SMAD6: variants seen among roughly 807,000 people sequenced by gnomAD.
SMAD6 encodes SMAD family member 6.
Under a neutral mutation model 39.4 loss-of-function variants are expected in SMAD6, and 103 were observed. The ratio of observed to expected loss-of-function variants is 2.62; its 90% CI spans 2.23 to 3.08. SMAD6 has a LOEUF of 3.08. Among genes scored for constraint, SMAD6 ranks in the 30% most tolerant of loss-of-function variants. The pLI, the probability that SMAD6 is intolerant of heterozygous loss-of-function variation, is 0.00. For missense variants in SMAD6, 1,104 were observed against 742.9 expected (o/e 1.49, Z -5.65); for synonymous variants, 445 against 353.3 (o/e 1.26, Z -2.91).
rs1595757051 is a variant in SMAD6 at position 66,703,752 on chromosome 15, T to G, written c.494T>G (p.Leu165Arg). ...GGRSREARSR[L>R]LLLEQELKTV... ...CGGAGTCGCGAAGCGCGCTCGCGGC[T>G]GCTGCTGCTGGAGCAGGAACTCAAA... The change falls in exon 1 of 4, where the codon CTG (leucine) becomes CGG (arginine). Residue 165 changes from leucine to arginine, a missense_variant. Physicochemically the swap from Leu to Arg is moderately radical, Grantham distance 102 (BLOSUM62 -2). Transcript: ENST00000288840. 7.2e-7 allele frequency: 1 copy of G among 1,392,096 alleles called. No homozygotes were observed. The allele number at this position is 1,392,096 out of a possible 1,614,324, so 86.2% of individuals were successfully genotyped here. A position where few individuals can be genotyped will look rare whatever the true frequency, so the allele number is the denominator to read the frequency against.
chr15:66,756,872 GTTTC>G (rs1894109559), intron 3 of SMAD6, among the ~76,000 whole-genome samples: 1 of 152,212 alleles, frequency 6.6e-6, no homozygotes, highest in Non-Finnish European at 1.5e-5. Flanking sequence ...TGTTTTGGCT[GTTTC>G]TTCTCCCTGG....
chr15:66,716,303 GC>G, intron 2 of SMAD6, 117 bp from the exon 3 acceptor site: 1 of 749,322 alleles, frequency 1.3e-6, no homozygotes. Flanking sequence ...GGGACATGCT[GC>G]CCTTTGCAAG....
chr15:66,731,621 A>G (rs960716412), intron 3 of SMAD6, among the ~76,000 whole-genome samples: 2 of 152,180 alleles, frequency 1.3e-5, no homozygotes, highest in Admixed American at 6.5e-5. Flanking sequence ...TACTGCTTTG[A>G]GATTCATCCA....
intron 3 of SMAD6, among the ~76,000 whole-genome samples, chr15:66,729,255 G>A (rs8024229): frequency 0.29 from 44,528 of 151,942 alleles, 6,811 homozygotes; most frequent in East Asian, 0.44. Flanking sequence ...TGCATCCCCC[G>A]GCACCCCTGA....
intron 3 of SMAD6, among the ~76,000 whole-genome samples, chr15:66,759,827 G>A (rs1212397234): frequency 6.6e-6 from 1 of 152,246 alleles, no homozygotes; most frequent in East Asian, 1.9e-4. Context: ...TCCAGAGGTA[G>A]TGTGAGCAGG....
chr15:66,775,919 G>A (rs1439572515), intron 3 of SMAD6, among the ~76,000 whole-genome samples: 1 of 152,222 alleles, frequency 6.6e-6, no homozygotes, highest in East Asian at 1.9e-4. Flanking sequence ...GGGGGAGGGG[G>A]CTGTGCAGCT....
rs924678088 is a variant in SMAD6 at position 66,731,220 on chromosome 15, C to T, written c.952+14722C>T. 3.3e-5 allele frequency among the ~76,000 whole-genome samples: 5 copies of T among 151,900 alleles called. No homozygotes were observed. In the East Asian group the frequency reaches 5.8e-4, roughly 18 times the overall value. On this transcript the variant is annotated intron_variant, in intron 3 of 3. Transcript: ENST00000288840. Reference sequence around the variant, plus strand: ...TTGGGAGGCCGAGGCGGGCGGATCACGAGGTCAGGAGATCGAGACCACCCC... The same window carrying T: ...TTGGGAGGCCGAGGCGGGCGGATCATGAGGTCAGGAGATCGAGACCACCCC...
At chr15:66,736,635 CCT>C (rs1893716730) in intron 3 of SMAD6, among the ~76,000 whole-genome samples, 1 of 152,004 alleles carries the variant, frequency 6.6e-6, no homozygotes. Context: ...CATCAGAGTC[CCT>C]GTTAGACACT....
At chr15:66,762,219 C>G (rs1894212145) in intron 3 of SMAD6, among the ~76,000 whole-genome samples, 1 of 152,218 alleles carries the variant, frequency 6.6e-6, no homozygotes, top group African/African-American at 2.4e-5. Context: ...TCCTTGGACT[C>G]CCCCGTTATT....
chr15:66,765,691 G>A (rs1444596958), intron 3 of SMAD6, among the ~76,000 whole-genome samples: 1 of 152,190 alleles, frequency 6.6e-6, no homozygotes, highest in African/African-American at 2.4e-5. Flanking sequence ...AAGAGAAACC[G>A]AGTCACATTG....
chr15:66,753,401 C>G (rs961714561), intron 3 of SMAD6, among the ~76,000 whole-genome samples: 1 of 152,238 alleles, frequency 6.6e-6, no homozygotes, highest in African/African-American at 2.4e-5. Context: ...CCAGTGGCAC[C>G]TCCTTGTTCC....
chr15:66,763,348 A>G (rs540340066), intron 3 of SMAD6, among the ~76,000 whole-genome samples: 165 of 152,352 alleles, frequency 1.1e-3, no homozygotes, highest in Non-Finnish European at 1.9e-3. Context: ...GCATGGCTCC[A>G]GCCCCCACGT....
intron 3 of SMAD6, among the ~76,000 whole-genome samples, chr15:66,757,360 C>A (rs1193404214): frequency 1.3e-5 from 2 of 152,300 alleles, no homozygotes; most frequent in East Asian, 1.9e-4. Context: ...GCTTGGGGAT[C>A]CCCTCCAGCC....
chr15:66,733,707 G>T (rs2140627997), intron 3 of SMAD6, among the ~76,000 whole-genome samples: 1 of 152,292 alleles, frequency 6.6e-6, no homozygotes, highest in South Asian at 2.1e-4. Flanking sequence ...GTAAAGTGAA[G>T]AATTTATTTA....
At chr15:66,734,461 G>A (rs888073398) in intron 3 of SMAD6, among the ~76,000 whole-genome samples, 3 of 152,206 alleles carry the variant, frequency 2.0e-5, no homozygotes, top group African/African-American at 7.2e-5. Flanking sequence ...GGTCGAGGGA[G>A]GGGAAGAGCC....
At chr15:66,717,031 C>G (rs955949040) in intron 3 of SMAD6, 114 of 1,289,306 alleles carry the variant, frequency 8.8e-5, no homozygotes, top group Middle Eastern at 4.2e-4. Flanking sequence ...GGATAGGAAG[C>G]CGAGGGAACC....
rs534388520 is a variant in SMAD6 at position 66,770,410 on chromosome 15, C to T, written c.953-10587C>T. On this transcript the variant is annotated intron_variant, in intron 3 of 3. Transcript: ENST00000288840. ...GTGATCCCAGCAGTTTGGCCATAAG[C>T]AGTGCAGACCCATGGAGCTGGGAGG... Among the ~76,000 whole-genome samples the T allele has an allele frequency of 3.9e-5, 6 of 152,294 alleles. No individual in the cohort carries two copies. The South Asian group carries it at 1.2e-3, about 32-fold the overall frequency.
rs538524568 is a variant in SMAD6, at chr15:66,755,903, G to C, written c.953-25094G>C. ...GGGGCAATCTCCTCTTCTCTGGGCT[G>C]AGCTGGGTTTGGCCCCCACCACTGT... On this transcript the variant is annotated intron_variant, in intron 3 of 3. Coordinates refer to ENST00000288840, the MANE Select transcript of SMAD6 (RefSeq NM_005585.5). 5.9e-5 allele frequency among the ~76,000 whole-genome samples: 9 copies of C among 152,280 alleles called. No individual in the cohort carries two copies. In the East Asian group the frequency reaches 1.7e-3, roughly 29 times the overall value.
chr15:66,756,829 T>G (rs1328713619), intron 3 of SMAD6, among the ~76,000 whole-genome samples: 1 of 152,124 alleles, frequency 6.6e-6, no homozygotes, highest in African/African-American at 2.4e-5. Flanking sequence ...GAGGTGAGGG[T>G]GGAGGATGGG....
Sources: allele counts gnomAD v4.1 joint callset (sites outside exome capture counted in the v4.1 genomes callset), GRCh38; gene constraint gnomAD v4.1.1; transcripts MANE v1.5; gene names NCBI Gene and HGNC (gene_info 2026-07-23, HGNC 2026-07-21).